PARL: variants seen among roughly 807,000 people sequenced by gnomAD.
PARL encodes presenilin-associated rhomboid-like protein, mitochondrial.
Under a neutral mutation model 51.6 loss-of-function variants are expected in PARL, and 44 were observed. The observed-to-expected ratio is 0.85, with a 90% confidence interval of 0.67 to 1.10. PARL has a LOEUF of 1.10. Among genes scored for constraint, PARL ranks in the 50% least tolerant of loss-of-function variants. The pLI, the probability that PARL is intolerant of heterozygous loss-of-function variation, is 0.00. For missense variants in PARL, 441 were observed against 469.5 expected (o/e 0.94, Z 0.56); for synonymous variants, 172 against 164.0 (o/e 1.05, Z -0.37).
intron 7 of PARL, among the ~76,000 whole-genome samples, chr3:183,839,724 A>G (rs1729067006): frequency 6.7e-6 from 1 of 148,200 alleles, no homozygotes; most frequent in African/African-American, 2.5e-5. Context: ...CAGCCTCAAA[A>G]CACACTTAAA....
chr3:183,833,129 G>C (rs2108582636), intron 9 of PARL, among the ~76,000 whole-genome samples: 1 of 152,330 alleles, frequency 6.6e-6, no homozygotes, highest in Non-Finnish European at 1.5e-5. Context: ...AGCAGGGTGG[G>C]ACGCCAGGCA....
In PARL at chr3:183,876,347, G is replaced by A. The variant is rs117609110; in HGVS notation, c.126-8287C>T. Among the ~76,000 whole-genome samples, 508 of 151,870 alleles carry A rather than the reference G, an allele frequency of 3.3e-3. 14 individuals are homozygous for A. The South Asian group carries it at 0.062, about 18-fold the overall frequency. ...TAGGCGCAATCCACTGTGCCCAAAC[G>A]GTTTACCAAATATTTTAAGCCCAAT... On this transcript the variant is annotated intron_variant, in intron 1 of 9. Transcript: ENST00000317096.
chr3:183,832,934 C>T (rs1728123161), intron 9 of PARL, among the ~76,000 whole-genome samples: 2 of 152,126 alleles, frequency 1.3e-5, no homozygotes, highest in Admixed American at 1.3e-4. Flanking sequence ...CCTCAGTTTC[C>T]CATCAGTAAA....
chr3:183,873,528 GAC>G (rs35586598), intron 1 of PARL, among the ~76,000 whole-genome samples: 6,885 of 149,084 alleles, frequency 0.046, 208 homozygotes, highest in East Asian at 0.079. Flanking sequence ...GCTCCTGAGT[GAC>G]AGAGCAAGAC....
intron 7 of PARL, among the ~76,000 whole-genome samples, chr3:183,839,508 C>G (rs1167286726): frequency 6.7e-6 from 1 of 149,852 alleles, no homozygotes; most frequent in African/African-American, 2.5e-5. Context: ...AACCTCTACC[C>G]GCTGGGTTCA....
Position 183,867,911 on chromosome 3 carries a change from G to A in PARL, c.275C>T (p.Pro92Leu), listed in dbSNP as rs1040830827. 5 of 1,613,854 alleles carry A rather than the reference G, an allele frequency of 3.1e-6. No individual in the cohort carries two copies. Among genetic ancestry groups the A allele is most frequent in the Admixed American group, 3.3e-5 (2 of 60,020 alleles). ...TTTTATGAGACTCCTTATAGGATAG[G>A]GAGAAGGATAAAAGACTGTTTCTTC... ...PVEETVFYPSPYPIRSLIKPL... is the reference protein window; with the variant it reads ...PVEETVFYPSLYPIRSLIKPL... Residue 92 changes from proline to leucine, a missense_variant, in exon 2 of 10, where the codon CCC becomes CTC. Physicochemically the swap from Pro to Leu is moderately conservative, Grantham distance 98 (BLOSUM62 -3). Transcript: ENST00000317096.
At chr3:183,882,186 A>T (rs1377669132) in intron 1 of PARL, among the ~76,000 whole-genome samples, 3 of 131,912 alleles carry the variant, frequency 2.3e-5, no homozygotes, top group Admixed American at 1.6e-4. Context: ...CCTGGGAAAC[A>T]GAGCAAGACA....
chr3:183,878,219 T>C (rs1344589259), intron 1 of PARL, among the ~76,000 whole-genome samples: 1 of 152,168 alleles, frequency 6.6e-6, no homozygotes, highest in Non-Finnish European at 1.5e-5. Context: ...TTCAGTAGTC[T>C]AGCGGGGGCT....
intron 5 of PARL, among the ~76,000 whole-genome samples, chr3:183,842,807 CAAAA>C (rs370931513): frequency 3.7e-5 from 2 of 54,086 alleles, no homozygotes; most frequent in African/African-American, 7.6e-5. Flanking sequence ...GACTCTATCT[CAAAA>C]AAAAAAAAAA....
At chr3:183,849,672 G>A (rs1730340049) in intron 4 of PARL, among the ~76,000 whole-genome samples, 3 of 150,770 alleles carry the variant, frequency 2.0e-5, no homozygotes, top group South Asian at 2.1e-4. Context: ...AAAAATAACA[G>A]AAAAATTAAT....
At chr3:183,877,547 G>A (rs949339118) in intron 1 of PARL, among the ~76,000 whole-genome samples, 1 of 152,080 alleles carries the variant, frequency 6.6e-6, no homozygotes, top group Non-Finnish European at 1.5e-5. Context: ...GTGAAAGGAG[G>A]AGTCAATCAA....
At chr3:183,833,614 G>A (rs1380900777) in intron 8 of PARL, 25 bp from the exon 9 acceptor site, 3 of 1,551,394 alleles carry the variant, frequency 1.9e-6, no homozygotes, top group Non-Finnish European at 1.8e-6. Context: ...GAAACAAGCG[G>A]CACAACTGTG....
At chr3:183,876,322 T>C (rs1354327718) in intron 1 of PARL, among the ~76,000 whole-genome samples, 5 of 152,108 alleles carry the variant, frequency 3.3e-5, no homozygotes, top group African/African-American at 9.7e-5. Flanking sequence ...GCTGGTATTA[T>C]AGGCGCAATC....
At chr3:183,849,007 A>C (rs995411084) in intron 4 of PARL, among the ~76,000 whole-genome samples, 6 of 152,188 alleles carry the variant, frequency 3.9e-5, no homozygotes, top group African/African-American at 1.2e-4. Context: ...AAGAAATAGC[A>C]ATTAGAAACA....
Position 183,840,659 on chromosome 3 carries a change from T to A in PARL, c.758-19A>T. ...ATAACACCTGAAAAACAAGTCACAT[T>A]ACAATAATTTAAGTGAGGTATAAAA... On this transcript the variant is annotated intron_variant, in intron 6 of 9. Transcript: ENST00000317096. 7.6e-7 allele frequency: 1 copy of A among 1,312,898 alleles called. No homozygotes were observed. Among genetic ancestry groups the A allele is most frequent in the Non-Finnish European group, 1.1e-6 (1 of 922,256 alleles). 81.3% of individuals were successfully genotyped at this position (1,312,898 alleles called of 1,614,324 possible). A position where few individuals can be genotyped will look rare whatever the true frequency, so the allele number is the denominator to read the frequency against.
At position 183,829,475 on chromosome 3, in the gene PARL, A is replaced by G; in HGVS notation, c.*123T>C. The G allele has an allele frequency of 6.2e-7, 1 of 1,608,562 alleles. No homozygotes were observed. Among genetic ancestry groups the G allele is most frequent in the Non-Finnish European group, 8.5e-7 (1 of 1,177,718 alleles). ...CACGGACTGGGGGACACAGCTGAAA[A>G]CAGTGGGAGGCCAGATGCTGGCATC... On this transcript the variant is annotated 3_prime_UTR_variant, in exon 10 of 10. Coordinates refer to ENST00000317096, the MANE Select transcript of PARL (RefSeq NM_018622.7).
intron 3 of PARL, among the ~76,000 whole-genome samples, chr3:183,865,955 C>A (rs1245620784): frequency 6.6e-6 from 1 of 151,650 alleles, no homozygotes; most frequent in Non-Finnish European, 1.5e-5. Context: ...TCTCGTCTCA[C>A]TGCAACCTCT....
At position 183,881,183 on chromosome 3, in the gene PARL, G is replaced by A. The variant is rs1694770976; in HGVS notation, c.125+3539C>T. On this transcript the variant is annotated intron_variant, in intron 1 of 9. Transcript: ENST00000317096. The stretch of plus-strand genomic sequence containing the variant: ...GTCCCCCAGGCTGGAGTACAGTGAT[G>A]CAATCTCGGCTCACTGCAACCTCTG... Among the ~76,000 whole-genome samples, 5 of 147,704 alleles carry A rather than the reference G, an allele frequency of 3.4e-5. No individual in the cohort carries two copies. The South Asian group carries it at 1.1e-3, about 31-fold the overall frequency.
chr3:183,867,466 C>T (rs1732632049), intron 2 of PARL, among the ~76,000 whole-genome samples: 1 of 151,924 alleles, frequency 6.6e-6, no homozygotes, highest in African/African-American at 2.4e-5. Context: ...TTTGGGAGGC[C>T]AAGGCGGGCG....
Sources: gnomAD v4.1 joint callset for allele counts (sites outside exome capture counted in the v4.1 genomes callset) on GRCh38, gnomAD v4.1.1 for gene constraint, MANE v1.5 for transcripts, NCBI Gene and HGNC (gene_info 2026-07-23, HGNC 2026-07-21) for gene names.